ZNF365: variants seen among roughly 807,000 people sequenced by gnomAD.
ZNF365 encodes protein ZNF365.
Under a neutral mutation model 35.0 loss-of-function variants are expected in ZNF365, and 22 were observed. That is an observed-to-expected ratio of 0.63 (90% CI 0.45 to 0.90). The LOEUF (loss-of-function observed/expected upper bound fraction) is 0.90, where lower values mean the gene tolerates loss of function less well. Among genes scored for constraint, ZNF365 ranks in the 40% least tolerant of loss-of-function variants. The pLI, the probability that ZNF365 is intolerant of heterozygous loss-of-function variation, is 0.00. For missense variants in ZNF365, 448 were observed against 500.3 expected, an observed-to-expected ratio of 0.90 and a Z score of 1.00; for synonymous variants, 188 against 196.2, an observed-to-expected ratio of 0.96 and a Z score of 0.35.
chr10:62,449,986 G>A (rs1465120988), intron 3 of ZNF365, among the ~76,000 whole-genome samples: 1 of 152,134 alleles, frequency 6.6e-6, no homozygotes, highest in East Asian at 1.9e-4. Context: ...ACAGAAAAGA[G>A]TGTAGGCTGG....
chr10:62,386,531 CTGT>C (rs1839529344), intron 2 of ZNF365, among the ~76,000 whole-genome samples: 1 of 152,118 alleles, frequency 6.6e-6, no homozygotes, highest in Middle Eastern at 3.2e-3. Flanking sequence ...TAGAGCCAGC[CTGT>C]TGTCTGTTTT....
At chr10:62,470,022 T>TGA (rs1841007729) in intron 4 of ZNF365, among the ~76,000 whole-genome samples, 2 of 152,332 alleles carry the variant, frequency 1.3e-5, no homozygotes, top group South Asian at 4.1e-4. Flanking sequence ...ATTGCTATTA[T>TGA]TAATATATGA....
Position 62,412,854 on chromosome 10 carries a change from T to A in ZNF365, c.924+24278T>A, listed in dbSNP as rs1840008184. Among the ~76,000 whole-genome samples, 3 of 152,106 alleles carry A rather than the reference T, an allele frequency of 2.0e-5. No homozygotes were observed. In the South Asian group the frequency reaches 6.2e-4, roughly 31 times the overall value. Reference sequence around the variant, plus strand: ...AAAATGGTCATACTACCAAAAGTAATTTATAGATTCAATGCTATTCCCACA... The same window carrying A: ...AAAATGGTCATACTACCAAAAGTAAATTATAGATTCAATGCTATTCCCACA... On this transcript the variant is annotated intron_variant, in intron 3 of 4. Coordinates refer to the ZNF365 transcript ENST00000395255.
chr10:62,383,378 A>G (rs1839472947), intron 2 of ZNF365, among the ~76,000 whole-genome samples: 2 of 152,212 alleles, frequency 1.3e-5, no homozygotes, highest in African/African-American at 4.8e-5. Flanking sequence ...CATGTGTCTG[A>G]GAATACTCCC....
intron 3 of ZNF365, among the ~76,000 whole-genome samples, chr10:62,426,866 A>G (rs1840257798): frequency 6.6e-6 from 1 of 152,134 alleles, no homozygotes; most frequent in Non-Finnish European, 1.5e-5. Context: ...ATCAAAGGTG[A>G]GCAACCCACT....
chr10:62,432,609 T>C (rs1840350865), intron 3 of ZNF365, among the ~76,000 whole-genome samples: 1 of 152,246 alleles, frequency 6.6e-6, no homozygotes, highest in Non-Finnish European at 1.5e-5. Context: ...CCTTGAAATC[T>C]TTTAAAAGAC....
chr10:62,380,123 T>C (rs1159525833), intron 2 of ZNF365, among the ~76,000 whole-genome samples: 1 of 152,248 alleles, frequency 6.6e-6, no homozygotes, highest in Non-Finnish European at 1.5e-5. Flanking sequence ...AGGCCATCTA[T>C]AGGCTGAATC....
chr10:62,453,249 C>T (rs913637338), intron 3 of ZNF365, among the ~76,000 whole-genome samples: 4 of 152,120 alleles, frequency 2.6e-5, no homozygotes, highest in South Asian at 2.1e-4. Context: ...GCACATTGTG[C>T]CCATTAAGTA....
intron 3 of ZNF365, among the ~76,000 whole-genome samples, chr10:62,420,403 A>G (rs1401562166): frequency 6.6e-6 from 1 of 152,210 alleles, no homozygotes; most frequent in African/African-American, 2.4e-5. Flanking sequence ...TGTAACACTG[A>G]GACTTAAGCT....
chr10:62,424,223 G>T (rs966664922), intron 3 of ZNF365, among the ~76,000 whole-genome samples: 1 of 152,060 alleles, frequency 6.6e-6, no homozygotes, highest in African/African-American at 2.4e-5. Flanking sequence ...TCCCATTACT[G>T]CCCCCTTGCT....
At chr10:62,443,969 A>C (rs1054109311) in intron 3 of ZNF365, among the ~76,000 whole-genome samples, 1 of 152,222 alleles carries the variant, frequency 6.6e-6, no homozygotes, top group Non-Finnish European at 1.5e-5. Flanking sequence ...AAAGGGGTAC[A>C]TTCATCTGTT....
chr10:62,456,469 A>C (rs992467974), intron 3 of ZNF365, among the ~76,000 whole-genome samples: 3 of 151,538 alleles, frequency 2.0e-5, no homozygotes, highest in Non-Finnish European at 4.4e-5. Flanking sequence ...ATTTATTTCT[A>C]TCATTGGTTA....
intron 3 of ZNF365, among the ~76,000 whole-genome samples, chr10:62,457,651 T>C (rs943806817): frequency 1.3e-5 from 2 of 152,362 alleles, no homozygotes; most frequent in South Asian, 4.1e-4. Context: ...TGACACCACA[T>C]GTATAACAGT....
At chr10:62,385,285 A>G (rs1839507808) in intron 2 of ZNF365, among the ~76,000 whole-genome samples, 1 of 152,198 alleles carries the variant, frequency 6.6e-6, no homozygotes, top group Non-Finnish European at 1.5e-5. Context: ...GGCACAAGAT[A>G]ATTGGTTGAG....
In ZNF365 at chr10:62,415,044, G is replaced by A. The variant is rs140044306; in HGVS notation, c.924+26468G>A. On this transcript the variant is annotated intron_variant, in intron 3 of 4. Coordinates refer to the ZNF365 transcript ENST00000395255. The stretch of plus-strand genomic sequence containing the variant: ...CGTCTGATTTGTTTTTAGAGATTAC[G>A]GTTCTCTGAGAAATTCCTCATTTTA... 6.1e-4 allele frequency among the ~76,000 whole-genome samples: 93 copies of A among 151,276 alleles called. No individual in the cohort carries two copies. In the East Asian group the frequency reaches 0.012, roughly 20 times the overall value.
chr10:62,445,833 T>C (rs188985444), intron 3 of ZNF365, among the ~76,000 whole-genome samples: 77 of 152,328 alleles, frequency 5.1e-4, no homozygotes, highest in African/African-American at 1.6e-3. Context: ...TTTTTCTTCA[T>C]TGGCCTCGGT....
chr10:62,477,958 T>C (rs1260689858), intron 4 of ZNF365, among the ~76,000 whole-genome samples: 1 of 152,148 alleles, frequency 6.6e-6, no homozygotes, highest in African/African-American at 2.4e-5. Context: ...ATACAAACTC[T>C]CACAGTCCAC....
chr10:62,465,941 T>C (rs903473098), intron 4 of ZNF365, among the ~76,000 whole-genome samples: 1 of 152,154 alleles, frequency 6.6e-6, no homozygotes, highest in Non-Finnish European at 1.5e-5. Flanking sequence ...AGCCCTCCCA[T>C]GCTTCACTTG....
intron 3 of ZNF365, among the ~76,000 whole-genome samples, chr10:62,393,003 T>C (rs1389583474): frequency 6.6e-6 from 1 of 151,876 alleles, no homozygotes; most frequent in Non-Finnish European, 1.5e-5. Flanking sequence ...TAAGCTTTTT[T>C]TCTATTTTTA....
Sources: gnomAD v4.1 joint callset for allele counts (sites outside exome capture counted in the v4.1 genomes callset) on GRCh38, gnomAD v4.1.1 for gene constraint, MANE v1.5 for transcripts, NCBI Gene and HGNC (gene_info 2026-07-23, HGNC 2026-07-21) for gene names.